PDE4D: variants seen among roughly 807,000 people sequenced by gnomAD.
The protein encoded by PDE4D is phosphodiesterase 4D.
Under a neutral mutation model 87.4 loss-of-function variants are expected in PDE4D, and 24 were observed. That is an observed-to-expected ratio of 0.27 (90% CI 0.20 to 0.39). The LOEUF (loss-of-function observed/expected upper bound fraction) is 0.39, where lower values mean the gene tolerates loss of function less well. Among genes scored for constraint, PDE4D ranks in the 10% least tolerant of loss-of-function variants. The pLI, the probability that PDE4D is intolerant of heterozygous loss-of-function variation, is 1.00. For missense variants in PDE4D, 714 were observed against 1,041.0 expected (o/e 0.69, Z 4.32); for synonymous variants, 384 against 383.2 (o/e 1.00, Z -0.02).
intron 1 of PDE4D, among the ~76,000 whole-genome samples, chr5:59,313,928 C>T (rs1442331528): frequency 6.6e-6 from 1 of 152,158 alleles, no homozygotes; most frequent in African/African-American, 2.4e-5. Context: ...CCTTGAGAGG[C>T]TTCTGAACAA....
chr5:60,104,320 C>A (rs1776601818), intron 2 of PDE4D, among the ~76,000 whole-genome samples: 1 of 152,236 alleles, frequency 6.6e-6, no homozygotes, highest in Admixed American at 6.5e-5. Context: ...AGGCGCCCAC[C>A]ATTGCCCAGG....
chr5:60,026,308 G>C (rs1274181205), intron 2 of PDE4D, among the ~76,000 whole-genome samples: 1 of 152,090 alleles, frequency 6.6e-6, no homozygotes, highest in Non-Finnish European at 1.5e-5. Flanking sequence ...AAGTAGACAA[G>C]TGCTCCAATG....
chr5:59,795,596 T>A (rs994188984), intron 1 of PDE4D, among the ~76,000 whole-genome samples: 5 of 152,234 alleles, frequency 3.3e-5, no homozygotes, highest in African/African-American at 1.2e-4. Flanking sequence ...ACTTGTACTA[T>A]ATTACAGTAG....
intron 5 of PDE4D, among the ~76,000 whole-genome samples, chr5:59,096,514 T>TTGGTTCAGGAGAGGGGCTATACC (rs1769745031): frequency 6.6e-6 from 1 of 152,148 alleles, no homozygotes; most frequent in Admixed American, 6.6e-5. Context: ...GATTGACTGA[T>TTGGTTCAGGAGAGGGGCTATACC]TGGTTCAGGA....
chr5:59,393,449 C>A (rs1788649482), intron 1 of PDE4D, among the ~76,000 whole-genome samples: 1 of 152,158 alleles, frequency 6.6e-6, no homozygotes, highest in South Asian at 2.1e-4. Context: ...TCTTCTCCCC[C>A]TCAAAATTAC....
At chr5:59,626,670 C>A (rs1561354485) in intron 1 of PDE4D, among the ~76,000 whole-genome samples, 2 of 152,106 alleles carry the variant, frequency 1.3e-5, no homozygotes, top group Non-Finnish European at 2.9e-5. Flanking sequence ...ATTAGTTTAA[C>A]TTTCAGTGGT....
At chr5:59,100,773 G>A (rs1175206946) in intron 5 of PDE4D, among the ~76,000 whole-genome samples, 2 of 152,196 alleles carry the variant, frequency 1.3e-5, no homozygotes, top group African/African-American at 2.4e-5. Context: ...GTACTTAGAT[G>A]TAAAAATTGT....
intron 1 of PDE4D, among the ~76,000 whole-genome samples, chr5:60,270,834 A>G (rs980096699): frequency 5.9e-5 from 9 of 152,216 alleles, no homozygotes; most frequent in African/African-American, 2.2e-4. Flanking sequence ...TTAAATATTT[A>G]CCATGTAAAA....
intron 1 of PDE4D, among the ~76,000 whole-genome samples, chr5:60,405,525 C>A (rs774996582): frequency 6.6e-6 from 1 of 152,190 alleles, no homozygotes; most frequent in Non-Finnish European, 1.5e-5. Context: ...AGGTGGGCAC[C>A]GCTATGCTAT....
At chr5:59,150,780 A>C (rs544818690) in intron 5 of PDE4D, among the ~76,000 whole-genome samples, 1 of 152,308 alleles carries the variant, frequency 6.6e-6, no homozygotes, top group Non-Finnish European at 1.5e-5. Flanking sequence ...TCAAGTTGCA[A>C]TTATAAATGG....
intron 2 of PDE4D, among the ~76,000 whole-genome samples, chr5:60,026,696 T>C (rs536293143): frequency 6.6e-6 from 1 of 152,290 alleles, no homozygotes; most frequent in East Asian, 1.9e-4. Context: ...TCTAGCCCCA[T>C]GCAACACATT....
rs527504622 is a variant in PDE4D at position 60,059,123 on chromosome 5, G to A, written c.43-70406C>T. On this transcript the variant is annotated intron_variant, in intron 2 of 16. Coordinates refer to the PDE4D transcript ENST00000502484. Reference sequence around the variant, plus strand: ...CTCCATTCTGTATGATACAGTAATGGTGGATACATGATATAATGTAATTGG... The same window carrying A: ...CTCCATTCTGTATGATACAGTAATGATGGATACATGATATAATGTAATTGG... Among the ~76,000 whole-genome samples the A allele has an allele frequency of 9.9e-5, 15 of 150,830 alleles. No individual in the cohort carries two copies. In the South Asian group the frequency reaches 1.5e-3, roughly 15 times the overall value.
chr5:59,023,238 A>C (rs1013407627), intron 6 of PDE4D, among the ~76,000 whole-genome samples: 22 of 152,110 alleles, frequency 1.4e-4, no homozygotes, highest in African/African-American at 5.1e-4. Flanking sequence ...TTGTTCTTCT[A>C]TCTCTCCATC....
chr5:59,112,060 G>A (rs1245028634), intron 5 of PDE4D, among the ~76,000 whole-genome samples: 4 of 152,148 alleles, frequency 2.6e-5, no homozygotes, highest in African/African-American at 9.7e-5. Context: ...ATTGGGAATG[G>A]TATTAATGTG....
At chr5:60,487,498 T>C (rs568983440) in intron 1 of PDE4D, among the ~76,000 whole-genome samples, 6 of 152,234 alleles carry the variant, frequency 3.9e-5, no homozygotes, top group Non-Finnish European at 7.3e-5. Flanking sequence ...TACTGTGCCC[T>C]ATCTGCTGTG....
chr5:60,249,957 T>C (rs977055900), intron 1 of PDE4D, among the ~76,000 whole-genome samples: 1 of 151,998 alleles, frequency 6.6e-6, no homozygotes, highest in Non-Finnish European at 1.5e-5. Context: ...TTAAAATGAC[T>C]ACCAAAATTT....
chr5:59,354,285 C>A (rs1329336931), intron 1 of PDE4D, among the ~76,000 whole-genome samples: 2 of 152,100 alleles, frequency 1.3e-5, no homozygotes, highest in African/African-American at 4.8e-5. Flanking sequence ...TCTTAAAGGT[C>A]AAGATAAGCT....
Position 59,123,993 on chromosome 5 carries a change from A to T in PDE4D, c.808+56602T>A, listed in dbSNP as rs147595651. On this transcript the variant is annotated intron_variant, in intron 5 of 14. Coordinates refer to ENST00000340635, the MANE Select transcript of PDE4D (RefSeq NM_001104631.2). ...GGTCTTGGCTTTATACCACTTCCTA[A>T]TATTTCTACAACTGTCAAGTCAATC... Among the ~76,000 whole-genome samples the T allele has an allele frequency of 9.2e-5, 14 of 152,276 alleles. No individual in the cohort carries two copies. The East Asian group carries it at 1.9e-3, about 21-fold the overall frequency.
intron 1 of PDE4D, among the ~76,000 whole-genome samples, chr5:59,541,133 T>A (rs1248686755): frequency 1.3e-5 from 2 of 152,192 alleles, no homozygotes; most frequent in African/African-American, 4.8e-5. Flanking sequence ...CATCCTCTAC[T>A]AGGCTCTTTT....
Sources: gnomAD v4.1 joint callset for allele counts (sites outside exome capture counted in the v4.1 genomes callset) on GRCh38, gnomAD v4.1.1 for gene constraint, MANE v1.5 for transcripts, NCBI Gene and HGNC (gene_info 2026-07-23, HGNC 2026-07-21) for gene names.